Variants in ALDH1A1 observed in about 807,000 individuals in gnomAD.
ALDH1A1 encodes the protein aldehyde dehydrogenase 1 family member A1.
A neutral mutation model predicts 62.1 loss-of-function variants in ALDH1A1; 19 were observed. The ratio of observed to expected loss-of-function variants is 0.31; its 90% CI spans 0.21 to 0.45. The LOEUF is 0.45. Ranked by LOEUF, ALDH1A1 falls within the 20% of genes least tolerant of loss-of-function variation. The pLI, the probability that ALDH1A1 is intolerant of heterozygous loss-of-function variation, is 1.00. For synonymous variants in ALDH1A1, 231 were observed against 215.9 expected (o/e 1.07, Z -0.61); for missense variants, 521 against 607.1 (o/e 0.86, Z 1.49).
intron 2 of ALDH1A1, among the ~76,000 whole-genome samples, chr9:72,939,550 C>CT (rs111546946): frequency 0.83 from 122,090 of 146,590 alleles, 51,239 homozygotes; most frequent in East Asian, 0.95. Flanking sequence ...TTTTCCTTTT[C>CT]TTTTTTTTTT....
intron 2 of ALDH1A1, 29 bp downstream of exon 2, chr9:72,940,119 T>C: frequency 6.5e-7 from 1 of 1,544,058 alleles, no homozygotes; most frequent in South Asian, 1.1e-5. Context: ...AAACCTGGCA[T>C]AAAATGAAAC....
At chr9:72,940,070 G>T in intron 2 of ALDH1A1, 78 bp downstream of exon 2, 8 of 1,034,028 alleles carry the variant, frequency 7.7e-6, no homozygotes, top group African/African-American at 3.2e-5. Context: ...TTTGGAGCTT[G>T]CAATGGGGTT....
chr9:72,952,812 C>A, intron 1 of ALDH1A1, 123 bp downstream of exon 1: 1 of 1,046,742 alleles, frequency 9.6e-7, no homozygotes, highest in South Asian at 1.8e-5. Flanking sequence ...ATTTTGCATG[C>A]CTTTTATTTT....
At chr9:72,949,293 G>A (rs1218430974) in intron 1 of ALDH1A1, among the ~76,000 whole-genome samples, 1 of 151,904 alleles carries the variant, frequency 6.6e-6, no homozygotes, top group Non-Finnish European at 1.5e-5. Context: ...GGGAACAGCT[G>A]AGCAGCAGCT....
At chr9:72,918,941 CA>C in intron 7 of ALDH1A1, 119 bp from the exon 8 acceptor site, 1 of 668,608 alleles carries the variant, frequency 1.5e-6, no homozygotes, top group East Asian at 2.8e-5. Context: ...GGAGAAACAC[CA>C]AATGGCTTTT....
In ALDH1A1 at chr9:72,919,211, T is replaced by C. The variant is rs1215331215; in HGVS notation, c.748-389A>G. On this transcript the variant is annotated intron_variant, in intron 7 of 12. Transcript: ENST00000297785. ...GTGATATTGATGGCTACGGAGGTTA[T>C]TTTTAATTTTAATCAGAATATCATC... 2.0e-5 allele frequency among the ~76,000 whole-genome samples: 3 copies of C among 152,192 alleles called. No individual in the cohort carries two copies. In the East Asian group the frequency reaches 5.8e-4, roughly 29 times the overall value.
Position 72,931,159 on chromosome 9 carries a change from G to A in ALDH1A1, c.172-140C>T, listed in dbSNP as rs112907590. The A allele has an allele frequency of 3.7e-4, 317 of 849,534 alleles. No homozygotes were observed. The African/African-American group carries it at 4.7e-3, about 12-fold the overall frequency. The allele number at this position is 849,534 out of a possible 1,614,324, so 52.6% of individuals were successfully genotyped here. A position where few individuals can be genotyped will look rare whatever the true frequency, so the allele number is the denominator to read the frequency against. ...ATTATCCCAAAGTCTAACACATTGC[G>A]CACATTCAACTACTGTATGTTGGAA... is the stretch of plus-strand genomic sequence containing the variant. On this transcript the variant is annotated intron_variant, in intron 2 of 12. Coordinates refer to ENST00000297785, the MANE Select transcript of ALDH1A1 (RefSeq NM_000689.5).
chr9:72,908,560 AAAG>A (rs1829922526), intron 11 of ALDH1A1, among the ~76,000 whole-genome samples: 2 of 8,208 alleles, frequency 2.4e-4, no homozygotes, highest in African/African-American at 5.8e-4. Context: ...AAGAAGAAAG[AAAG>A]AAAGAAAGAA....
intron 1 of ALDH1A1, among the ~76,000 whole-genome samples, chr9:72,952,030 T>A (rs1297247517): frequency 6.6e-6 from 1 of 152,046 alleles, no homozygotes; most frequent in Non-Finnish European, 1.5e-5. Flanking sequence ...TAAATTATAA[T>A]GCCCTTTGTT....
At position 72,908,559 on chromosome 9, in the gene ALDH1A1, GAAAGAAAGAAA is replaced by G. The variant is rs1829922216; in HGVS notation, c.1358+1032_1358+1042del. Reference sequence around the variant, plus strand: ...AGAAAGAAAGAAAAGAAAGAAGAAAGAAAGAAAGAAAGAAAGAAAGAAAGAAAGAAAGAAAG... The same window carrying G: ...AGAAAGAAAGAAAAGAAAGAAGAAAGGAAAGAAAGAAAGAAAGAAAGAAAG... On this transcript the variant is annotated intron_variant, in intron 11 of 12. Coordinates refer to ENST00000297785, the MANE Select transcript of ALDH1A1 (RefSeq NM_000689.5). Among the ~76,000 whole-genome samples, 2 of 8,648 alleles carry G rather than the reference GAAAGAAAGAAA, an allele frequency of 2.3e-4. 1 individual carries two copies. The highest frequency in any genetic ancestry group is 5.3e-4 in the Non-Finnish European group (2 of 3,772). 5.7% of individuals were successfully genotyped at this position (8,648 alleles called of 152,430 possible).
intron 10 of ALDH1A1, among the ~76,000 whole-genome samples, chr9:72,910,333 C>T (rs570607597): frequency 5.3e-5 from 8 of 152,050 alleles, no homozygotes; most frequent in South Asian, 2.1e-4. Flanking sequence ...GTAAACATCA[C>T]GAACTTTTAG....
At chr9:72,912,667 G>C (rs770529590) in intron 9 of ALDH1A1, among the ~76,000 whole-genome samples, 1 of 152,030 alleles carries the variant, frequency 6.6e-6, no homozygotes, top group Non-Finnish European at 1.5e-5. Flanking sequence ...CATAGTCTGC[G>C]CACCCTTCCC....
chr9:72,931,842 T>C (rs1236995755), intron 2 of ALDH1A1, among the ~76,000 whole-genome samples: 1 of 152,226 alleles, frequency 6.6e-6, no homozygotes, highest in Non-Finnish European at 1.5e-5. Context: ...TAAAGATGCA[T>C]GGCTTAAAAC....
chr9:72,911,763 C>G (rs1829993239), intron 10 of ALDH1A1, among the ~76,000 whole-genome samples, 195 bp downstream of exon 10: 1 of 152,206 alleles, frequency 6.6e-6, no homozygotes, highest in African/African-American at 2.4e-5. Context: ...ACATTTGTGG[C>G]TGGCCCCATG....
chr9:72,906,953 C>T (rs1829884863), intron 11 of ALDH1A1, among the ~76,000 whole-genome samples: 1 of 152,092 alleles, frequency 6.6e-6, no homozygotes, highest in Non-Finnish European at 1.5e-5. Context: ...GCCTGGGCAA[C>T]ATAGCAAACC....
Position 72,905,939 on chromosome 9 carries a change from A to C in ALDH1A1, c.1433+19T>G, listed in dbSNP as rs1480168788. The C allele has an allele frequency of 3.8e-6, 6 of 1,562,984 alleles. No homozygotes were observed. The highest frequency in any genetic ancestry group is 5.2e-6 in the Non-Finnish European group (6 of 1,142,890). ...TTTCATAAAAATAAATATTTATCTT[A>C]ATAGAACGTTAATCTTACAGTTCTC... is the stretch of plus-strand genomic sequence containing the variant. On this transcript the variant is annotated intron_variant, in intron 12 of 12. Transcript: ENST00000297785.
At chr9:72,905,917 CATAAAA>C (rs773576868) in intron 12 of ALDH1A1, 35 bp downstream of exon 12, 3 of 1,478,304 alleles carry the variant, frequency 2.0e-6, no homozygotes, top group East Asian at 2.5e-5. Flanking sequence ...AAATCATTTT[CATAAAA>C]ATAAATATTT....
intron 1 of ALDH1A1, among the ~76,000 whole-genome samples, chr9:72,952,710 T>G (rs974775203): frequency 9.2e-5 from 14 of 152,002 alleles, no homozygotes; most frequent in African/African-American, 3.4e-4. Flanking sequence ...GAGAATTCCT[T>G]TCGCTTGGAA....
chr9:72,942,190 A>G, intron 1 of ALDH1A1: 2 of 622,272 alleles, frequency 3.2e-6, no homozygotes, highest in Non-Finnish European at 4.0e-6. Flanking sequence ...TATCAGAAAT[A>G]CATTTTACAG....
Sources: gnomAD v4.1 joint callset for allele counts (sites outside exome capture counted in the v4.1 genomes callset) on GRCh38, gnomAD v4.1.1 for gene constraint, MANE v1.5 for transcripts, NCBI Gene and HGNC (gene_info 2026-07-23, HGNC 2026-07-21) for gene names.